ZFPM2: variants seen among roughly 807,000 people sequenced by gnomAD.
ZFPM2 encodes zinc finger protein, FOG family member 2.
In ZFPM2, 20 loss-of-function variants were observed where a neutral mutation model predicts 98.6. The observed-to-expected ratio is 0.20, with a 90% CI of 0.14 to 0.29. The LOEUF is 0.29. Among genes scored for constraint, ZFPM2 ranks in the 10% least tolerant of loss-of-function variants. ZFPM2 has a pLI of 1.00. For missense variants in ZFPM2, 1,310 were observed against 1,388.6 expected, an observed-to-expected ratio of 0.94 and a Z score of 0.90; for synonymous variants, 518 against 502.7, an observed-to-expected ratio of 1.03 and a Z score of -0.41.
chr8:105,535,504 G>C (rs188549986), intron 3 of ZFPM2, among the ~76,000 whole-genome samples: 2 of 152,262 alleles, frequency 1.3e-5, no homozygotes, highest in East Asian at 3.9e-4. Flanking sequence ...TATAAATTGA[G>C]TATTTTGTTT....
At chr8:105,453,018 A>G (rs1812518487) in intron 3 of ZFPM2, among the ~76,000 whole-genome samples, 2 of 152,234 alleles carry the variant, frequency 1.3e-5, no homozygotes, top group African/African-American at 4.8e-5. Context: ...GATATGCATT[A>G]GAAGTAGTTT....
intron 5 of ZFPM2, among the ~76,000 whole-genome samples, chr8:105,759,459 A>G (rs1422620130): frequency 6.6e-6 from 1 of 151,806 alleles, no homozygotes; most frequent in African/African-American, 2.4e-5. Flanking sequence ...CTCAAATCCC[A>G]TCTCTTTTTC....
At chr8:105,563,397 C>T (rs1815180018) in intron 4 of ZFPM2, among the ~76,000 whole-genome samples, 1 of 152,134 alleles carries the variant, frequency 6.6e-6, no homozygotes, top group Non-Finnish European at 1.5e-5. Context: ...TTTGTACATT[C>T]ATGTATTTAT....
chr8:105,330,633 C>CGT (rs769902494), intron 1 of ZFPM2, among the ~76,000 whole-genome samples: 13 of 85,454 alleles, frequency 1.5e-4, no homozygotes, highest in African/African-American at 3.1e-4. Context: ...TATATATATA[C>CGT]ATATATATAT....
intron 4 of ZFPM2, among the ~76,000 whole-genome samples, chr8:105,568,163 A>G (rs1463104131): frequency 6.6e-6 from 1 of 152,108 alleles, no homozygotes; most frequent in African/African-American, 2.4e-5. Context: ...TAAATAAAAA[A>G]ATCTCTAACC....
At chr8:105,604,719 A>G (rs886118702) in intron 4 of ZFPM2, among the ~76,000 whole-genome samples, 11 of 152,084 alleles carry the variant, frequency 7.2e-5, no homozygotes, top group African/African-American at 2.2e-4. Flanking sequence ...GGCTTCATTC[A>G]GGAACATGCT....
chr8:105,599,737 A>G (rs1213310988), intron 4 of ZFPM2, among the ~76,000 whole-genome samples: 2 of 151,924 alleles, frequency 1.3e-5, no homozygotes, highest in African/African-American at 4.8e-5. Context: ...CCCTATCACA[A>G]CTCCCCTGAA....
At chr8:105,341,638 A>C (rs1473671746) in intron 1 of ZFPM2, among the ~76,000 whole-genome samples, 1 of 151,982 alleles carries the variant, frequency 6.6e-6, no homozygotes, top group African/African-American at 2.4e-5. Context: ...GTGACTGATT[A>C]GATTAAGTGA....
Position 105,803,555 on chromosome 8 carries a change from T to G in ZFPM2, c.*17T>G. 3 of 1,589,838 alleles carry G rather than the reference T, an allele frequency of 1.9e-6. No individual in the cohort carries two copies. The highest frequency in any genetic ancestry group is 2.6e-6 in the Non-Finnish European group (3 of 1,166,760). On this transcript the variant is annotated 3_prime_UTR_variant, in exon 8 of 8. Coordinates refer to ENST00000407775, the MANE Select transcript of ZFPM2 (RefSeq NM_012082.4). The stretch of plus-strand genomic sequence containing the variant: ...GTCAAATGAACTAACTAAACATCAG[T>G]CACCTTTGGTATCAGTGTTTAGTAT...
At chr8:105,405,443 C>T (rs1275759586) in intron 1 of ZFPM2, among the ~76,000 whole-genome samples, 5 of 144,904 alleles carry the variant, frequency 3.5e-5, no homozygotes, top group Non-Finnish European at 7.6e-5. Flanking sequence ...CCCCACCCCA[C>T]AACAGTCCCT....
At chr8:105,546,533 C>T (rs745962588) in intron 3 of ZFPM2, among the ~76,000 whole-genome samples, 39 of 148,290 alleles carry the variant, frequency 2.6e-4, no homozygotes, top group Non-Finnish European at 4.4e-4. Context: ...AGCACCATTG[C>T]ACTCCAGCCT....
intron 3 of ZFPM2, among the ~76,000 whole-genome samples, chr8:105,471,915 C>T (rs1324926406): frequency 6.6e-6 from 1 of 152,142 alleles, no homozygotes; most frequent in Non-Finnish European, 1.5e-5. Flanking sequence ...TTGACCTTCT[C>T]ACAGAATCAT....
At chr8:105,394,604 A>G (rs551759123) in intron 1 of ZFPM2, among the ~76,000 whole-genome samples, 2 of 152,256 alleles carry the variant, frequency 1.3e-5, no homozygotes, top group East Asian at 1.9e-4. Flanking sequence ...CTCTTTTAGG[A>G]TGGATATTAT....
chr8:105,790,953 T>C (rs1202491862), intron 6 of ZFPM2, among the ~76,000 whole-genome samples: 1 of 152,216 alleles, frequency 6.6e-6, no homozygotes, highest in East Asian at 1.9e-4. Context: ...GTCCTGAGAC[T>C]TTGCTGAAGT....
At chr8:105,534,781 C>T (rs549765883) in intron 3 of ZFPM2, among the ~76,000 whole-genome samples, 203 of 152,150 alleles carry the variant, frequency 1.3e-3, no homozygotes, top group African/African-American at 4.7e-3. Flanking sequence ...ACTTAAGAGG[C>T]CTGAGAAGAC....
intron 5 of ZFPM2, among the ~76,000 whole-genome samples, chr8:105,725,496 C>A (rs566184815): frequency 1.3e-5 from 2 of 151,682 alleles, no homozygotes; most frequent in African/African-American, 2.4e-5. Context: ...AAGACCAAGA[C>A]AATTGTTTCA....
intron 5 of ZFPM2, among the ~76,000 whole-genome samples, chr8:105,726,187 A>G (rs1313733882): frequency 6.9e-6 from 1 of 145,008 alleles, no homozygotes; most frequent in East Asian, 2.1e-4. Flanking sequence ...TTTTTTTTTT[A>G]TTTTTCTGTT....
chr8:105,567,821 C>G (rs1245095007), intron 4 of ZFPM2, among the ~76,000 whole-genome samples: 5 of 152,012 alleles, frequency 3.3e-5, no homozygotes, highest in African/African-American at 1.2e-4. Flanking sequence ...TTATCAGGAA[C>G]ATTCTCACTG....
intron 3 of ZFPM2, among the ~76,000 whole-genome samples, chr8:105,519,192 A>G (rs1050119339): frequency 4.5e-4 from 69 of 152,272 alleles, no homozygotes; most frequent in African/African-American, 1.5e-3. Context: ...TAAGTGGCCA[A>G]TCTGAGATTT....
Sources: gnomAD v4.1 joint callset for allele counts (sites outside exome capture counted in the v4.1 genomes callset) on GRCh38, gnomAD v4.1.1 for gene constraint, MANE v1.5 for transcripts, NCBI Gene and HGNC (gene_info 2026-07-23, HGNC 2026-07-21) for gene names.